The following PSMG2 variants were observed in gnomAD, a reference collection of about 807,000 sequenced individuals.
PSMG2 encodes the protein proteasome assembly chaperone 2, also known as CD40 ligand-activated specific transcript 3.
A neutral mutation model predicts 31.5 loss-of-function variants in PSMG2; 21 were observed. The ratio of observed to expected loss-of-function variants is 0.67; its 90% CI spans 0.47 to 0.96. PSMG2 has a LOEUF of 0.96. Among genes scored for constraint, PSMG2 ranks in the 40% least tolerant of loss-of-function variants. PSMG2 has a pLI of 0.00. For synonymous variants in PSMG2, 120 were observed against 110.4 expected (o/e 1.09, Z -0.54); for missense variants, 318 against 321.2 (o/e 0.99, Z 0.08).
At chr18:12,683,803 T>C (rs1165475395) in intron 1 of PSMG2, among the ~76,000 whole-genome samples, 1 of 151,690 alleles carries the variant, frequency 6.6e-6, no homozygotes, top group African/African-American at 2.4e-5. Flanking sequence ...TAGAAAAATG[T>C]TCATAGCATA....
intron 1 of PSMG2, among the ~76,000 whole-genome samples, chr18:12,669,032 CTTTTTT>C (rs71174122): frequency 7.2e-5 from 3 of 41,958 alleles, no homozygotes; most frequent in South Asian, 6.7e-4. Context: ...ACCCCCCGCA[CTTTTTT>C]TTTTTTTTTT....
At chr18:12,687,311 A>G (rs968170249) in intron 1 of PSMG2, among the ~76,000 whole-genome samples, 1 of 152,136 alleles carries the variant, frequency 6.6e-6, no homozygotes, top group Non-Finnish European at 1.5e-5. Context: ...TTTTTCCAAT[A>G]TAGTCCCATA....
At chr18:12,723,218 A>G (rs2040446904) in intron 5 of PSMG2, among the ~76,000 whole-genome samples, 1 of 151,832 alleles carries the variant, frequency 6.6e-6, no homozygotes, top group Non-Finnish European at 1.5e-5. Flanking sequence ...TCGTGCTTTC[A>G]AGTTTTGGCA....
intron 1 of PSMG2, among the ~76,000 whole-genome samples, chr18:12,705,886 C>T (rs1475928969): frequency 2.6e-5 from 4 of 152,118 alleles, no homozygotes; most frequent in African/African-American, 7.2e-5. Context: ...TATTTTTCTC[C>T]GTAGCAATTA....
intron 1 of PSMG2, chr18:12,697,337 T>C: frequency 6.2e-7 from 1 of 1,613,908 alleles, no homozygotes; most frequent in Non-Finnish European, 8.5e-7. Flanking sequence ...ATGTCTGTTT[T>C]GATTAGCACC....
upstream of PSMG2, among the ~76,000 whole-genome samples, chr18:12,701,987 C>A (rs962276085): frequency 6.6e-6 from 1 of 152,084 alleles, no homozygotes; most frequent in Non-Finnish European, 1.5e-5. Context: ...ATTAGCCGAG[C>A]GTGGTGGCGC....
intron 1 of PSMG2, chr18:12,672,592 G>A (rs780840725): frequency 1.4e-5 from 13 of 914,440 alleles, no homozygotes; most frequent in Non-Finnish European, 1.7e-5. Context: ...AATCCATGAA[G>A]AGGCTAATAA....
At position 12,680,006 on chromosome 18, in the gene PSMG2, T is replaced by C. The variant is rs151262686; in HGVS notation, c.-37+21233T>C. On this transcript the variant is annotated intron_variant, in intron 1 of 6. Coordinates refer to the PSMG2 transcript ENST00000585331. ...AGGAGGGGGAGGCTGCAGTGGGCTGTGACTGTGCCACTGCACTCCAGCCTG... is the reference window on the plus strand; with the variant it reads ...AGGAGGGGGAGGCTGCAGTGGGCTGCGACTGTGCCACTGCACTCCAGCCTG... Among the ~76,000 whole-genome samples, 329 of 148,682 alleles carry C rather than the reference T, an allele frequency of 2.2e-3. 2 individuals carry two copies. Among genetic ancestry groups the C allele is most frequent in the African/African-American group, 7.4e-3 (297 of 40,270 alleles).
intron 1 of PSMG2, among the ~76,000 whole-genome samples, chr18:12,683,186 C>CAAAAAAAAAAAAAAAAAAAAAAAA (rs765652085): frequency 1.6e-4 from 10 of 63,678 alleles, no homozygotes; most frequent in Non-Finnish European, 2.2e-4. Context: ...CTAAAAATAC[C>CAAAAAAAAAAAAAAAAAAAAAAAA]AAAAAAAAAA....
At position 12,683,186 on chromosome 18, in the gene PSMG2, CAAAA is replaced by C. The variant is rs765652085; in HGVS notation, c.-36-23349_-36-23346del. On this transcript the variant is annotated intron_variant, in intron 1 of 6. Transcript: ENST00000585331. Reference sequence around the variant, plus strand: ...GAAACCCCATCTCTACTAAAAATACCAAAAAAAAAAAAAAAAAAGCCAGGCATGG... The same window carrying C: ...GAAACCCCATCTCTACTAAAAATACCAAAAAAAAAAAAAAGCCAGGCATGG... Among the ~76,000 whole-genome samples, 65 of 63,678 alleles carry C rather than the reference CAAAA, an allele frequency of 1.0e-3. 2 individuals are homozygous for C. The highest frequency in any genetic ancestry group is 3.5e-3 in the African/African-American group (59 of 17,004). The allele number at this position is 63,678 out of a possible 152,430, so 41.8% of individuals were successfully genotyped here. A position where few individuals can be genotyped will look rare whatever the true frequency, so the allele number is the denominator to read the frequency against.
intron 1 of PSMG2, among the ~76,000 whole-genome samples, chr18:12,703,703 C>A (rs1169000117): frequency 1.3e-5 from 2 of 152,118 alleles, no homozygotes; most frequent in African/African-American, 4.8e-5. Context: ...AACATGTAAT[C>A]TAAGAGCAAT....
At chr18:12,695,553 T>C (rs1227352299) in intron 1 of PSMG2, among the ~76,000 whole-genome samples, 1 of 152,048 alleles carries the variant, frequency 6.6e-6, no homozygotes, top group Non-Finnish European at 1.5e-5. Context: ...TATAAGGAGA[T>C]TATTTTCTTA....
At chr18:12,697,476 T>G in intron 1 of PSMG2, 2 of 1,058,794 alleles carry the variant, frequency 1.9e-6, no homozygotes, top group Non-Finnish European at 2.7e-6. Context: ...AAAAGAATAC[T>G]TTTATTAAAC....
intron 1 of PSMG2, chr18:12,672,655 C>G (rs1417759410): frequency 2.0e-6 from 2 of 982,250 alleles, no homozygotes; most frequent in East Asian, 2.3e-4. Flanking sequence ...CACAATTTAT[C>G]AGTATCATAA....
chr18:12,677,491 T>G (rs917987270), intron 1 of PSMG2, among the ~76,000 whole-genome samples: 1 of 146,620 alleles, frequency 6.8e-6, no homozygotes, highest in Non-Finnish European at 1.5e-5. Context: ...AAAAGAGGTT[T>G]GATCTCAAAA....
At chr18:12,691,884 T>C (rs1221130139) in intron 1 of PSMG2, among the ~76,000 whole-genome samples, 4 of 151,430 alleles carry the variant, frequency 2.6e-5, no homozygotes, top group Non-Finnish European at 5.9e-5. Context: ...CTCAGCTAAA[T>C]TTTTTTTTGT....
intron 1 of PSMG2, chr18:12,684,383 G>T (rs1225715803): frequency 6.6e-6 from 1 of 151,890 alleles, no homozygotes; most frequent in African/African-American, 2.4e-5. Context: ...CCCAAGTGCT[G>T]GAATTGCGGG....
At chr18:12,701,023 A>G, upstream of PSMG2, 1 of 1,613,982 alleles carries the variant, frequency 6.2e-7, no homozygotes, top group Non-Finnish European at 8.5e-7. Context: ...GCTTTGATCA[A>G]ATCTTCTGTT....
chr18:12,702,972 C>G (rs1211855180), upstream of PSMG2: 4 of 1,013,258 alleles, frequency 3.9e-6, no homozygotes, highest in South Asian at 1.7e-5. Context: ...GGACGGGCCT[C>G]AAGGGCCCGG....
Sources: gnomAD v4.1 joint callset for allele counts (sites outside exome capture counted in the v4.1 genomes callset) on GRCh38, gnomAD v4.1.1 for gene constraint, MANE v1.5 for transcripts, NCBI Gene and HGNC (gene_info 2026-07-23, HGNC 2026-07-21) for gene names.